Variants in NAV2 observed in about 807,000 individuals in gnomAD.
NAV2 encodes neuron navigator 2, also known as helicase, APC down-regulated 1.
Under a neutral mutation model 223.2 loss-of-function variants are expected in NAV2, and 54 were observed. The ratio of observed to expected loss-of-function variants is 0.24; its 90% confidence interval spans 0.19 to 0.30. NAV2 has a LOEUF of 0.30. Among genes scored for constraint, NAV2 ranks in the 10% least tolerant of loss-of-function variants. The pLI, the probability that NAV2 is intolerant of heterozygous loss-of-function variation, is 1.00. For synonymous variants in NAV2, 1,279 were observed against 1,239.3 expected, an observed-to-expected ratio of 1.03 and a Z score of -0.67; for missense variants, 2,806 against 3,147.5, an observed-to-expected ratio of 0.89 and a Z score of 2.60.
intron 11 of NAV2, among the ~76,000 whole-genome samples, chr11:20,015,628 A>G (rs1041855767): frequency 5.3e-5 from 8 of 152,124 alleles, no homozygotes; most frequent in African/African-American, 1.9e-4. Flanking sequence ...CATACACCCA[A>G]TTATAAGCTC....
intron 2 of NAV2, among the ~76,000 whole-genome samples, chr11:19,838,230 G>T (rs559192561): frequency 6.6e-6 from 1 of 152,328 alleles, no homozygotes; most frequent in African/African-American, 2.4e-5. Context: ...CCGCTTTCTA[G>T]GCCCAGGAGG....
chr11:19,613,912 C>T (rs1222687592), intron 1 of NAV2, among the ~76,000 whole-genome samples: 2 of 152,178 alleles, frequency 1.3e-5, no homozygotes, highest in African/African-American at 4.8e-5. Flanking sequence ...CCTAAATTGC[C>T]TCATCTACCT....
At chr11:19,746,197 T>C (rs561053361) in intron 1 of NAV2, among the ~76,000 whole-genome samples, 8 of 152,318 alleles carry the variant, frequency 5.3e-5, no homozygotes, top group South Asian at 2.1e-4. Flanking sequence ...GATCTCATGA[T>C]ATATCTTTGT....
At chr11:19,621,054 G>T (rs965134266) in intron 1 of NAV2, among the ~76,000 whole-genome samples, 3 of 152,122 alleles carry the variant, frequency 2.0e-5, no homozygotes, top group African/African-American at 7.2e-5. Flanking sequence ...TTTATATGAC[G>T]GATTAGGTTT....
At chr11:19,577,628 T>C (rs541481975) in intron 1 of NAV2, among the ~76,000 whole-genome samples, 1 of 152,382 alleles carries the variant, frequency 6.6e-6, no homozygotes, top group Admixed American at 6.5e-5. Flanking sequence ...TTTTTAGCCC[T>C]TTTATCACAG....
At chr11:20,062,530 T>C (rs2058771138) in intron 20 of NAV2, among the ~76,000 whole-genome samples, 171 bp downstream of exon 20, 1 of 152,240 alleles carries the variant, frequency 6.6e-6, no homozygotes, top group Admixed American at 6.5e-5. Context: ...TTAATTATAT[T>C]ATACCAACCC....
chr11:20,115,429 G>A (rs958770259), intron 37 of NAV2, among the ~76,000 whole-genome samples: 4 of 151,870 alleles, frequency 2.6e-5, no homozygotes, highest in South Asian at 2.1e-4. Context: ...TCAGGAGATC[G>A]AGACCATCCT....
chr11:20,093,233 C>T lies in NAV2; in HGVS notation c.5916+34C>T, dbSNP rs1309529139. The stretch of plus-strand genomic sequence containing the variant: ...GATCCCTTTCCCTGCTTTGCCTGTC[C>T]CTCCCCCAGGTAGAACTACCTAGCT... On this transcript the variant is annotated intron_variant, in intron 29 of 37. Transcript: ENST00000349880. The T allele has an allele frequency of 3.5e-6, 5 of 1,431,616 alleles. No homozygotes were observed. The Admixed American group carries it at 5.0e-5, about 14-fold the overall frequency. The allele number at this position is 1,431,616 out of a possible 1,614,324, so 88.7% of individuals were successfully genotyped here.
chr11:19,510,320 A>G (rs1243467712), intron 1 of NAV2, among the ~76,000 whole-genome samples: 1 of 152,208 alleles, frequency 6.6e-6, no homozygotes, highest in Admixed American at 6.5e-5. Context: ...ACATGAGGAA[A>G]CTGGGGTCCA....
intron 1 of NAV2, among the ~76,000 whole-genome samples, chr11:19,618,400 A>G (rs144471572): frequency 0.32 from 21,027 of 66,312 alleles, 1,938 homozygotes; most frequent in Non-Finnish European, 0.41. Context: ...ATGGATGAAT[A>G]GATGGATGGA....
chr11:20,059,962 A>C (rs975641190), intron 19 of NAV2, among the ~76,000 whole-genome samples: 6 of 152,190 alleles, frequency 3.9e-5, no homozygotes, highest in Admixed American at 3.9e-4. Context: ...AAACACATTC[A>C]GTTTTGGGTT....
At chr11:19,706,936 G>A (rs1171896606) in intron 1 of NAV2, among the ~76,000 whole-genome samples, 1 of 152,198 alleles carries the variant, frequency 6.6e-6, no homozygotes, top group East Asian at 1.9e-4. Flanking sequence ...CTACAAGCCT[G>A]TATAGCATGT....
chr11:19,504,208 C>T (rs1170640193), intron 1 of NAV2: 1 of 152,224 alleles, frequency 6.6e-6, no homozygotes, highest in Admixed American at 6.5e-5. Context: ...TCATTCATTG[C>T]TGGTGGAAAT....
intron 6 of NAV2, among the ~76,000 whole-genome samples, chr11:19,908,264 C>A (rs763411533): frequency 6.6e-6 from 1 of 152,072 alleles, no homozygotes; most frequent in Admixed American, 6.5e-5. Context: ...AAACAGAGAG[C>A]TTTTGAGGTC....
chr11:20,106,193 A>ATGTG lies in NAV2; in HGVS notation c.6841+467_6841+468insGTGT, dbSNP rs1565089429. ...TATATATATGTGTGTGTATATATAT[A>ATGTG]TATATATATATATATATATATATAT... On this transcript the variant is annotated intron_variant, in intron 35 of 37. Transcript: ENST00000349880. Among the ~76,000 whole-genome samples, 36 of 23,080 alleles carry ATGTG rather than the reference A, an allele frequency of 1.6e-3. 4 individuals are homozygous for ATGTG. Among genetic ancestry groups the ATGTG allele is most frequent in the South Asian group, 3.2e-3 (1 of 310 alleles). 15.1% of individuals were successfully genotyped at this position (23,080 alleles called of 152,430 possible).
chr11:19,768,190 A>G (rs2055389122), intron 1 of NAV2, among the ~76,000 whole-genome samples: 1 of 152,206 alleles, frequency 6.6e-6, no homozygotes, highest in South Asian at 2.1e-4. Context: ...TTTCCTTGAG[A>G]AAGCAGAGGC....
At chr11:19,551,507 C>T (rs1425537519) in intron 1 of NAV2, among the ~76,000 whole-genome samples, 2 of 152,214 alleles carry the variant, frequency 1.3e-5, no homozygotes, top group Non-Finnish European at 2.9e-5. Flanking sequence ...TCCACTTGCA[C>T]CCCTCCCTCC....
At chr11:19,527,349 T>G (rs750114112) in intron 1 of NAV2, among the ~76,000 whole-genome samples, 20 of 152,224 alleles carry the variant, frequency 1.3e-4, no homozygotes, top group Non-Finnish European at 2.4e-4. Flanking sequence ...TGTGGAAATG[T>G]GAGTCCATTA....
At chr11:19,548,141 A>G (rs1188514094) in intron 1 of NAV2, among the ~76,000 whole-genome samples, 2 of 152,228 alleles carry the variant, frequency 1.3e-5, no homozygotes, top group African/African-American at 4.8e-5. Context: ...CTCCTGCATG[A>G]CAATTTCATG....
Sources: gnomAD v4.1 joint callset for allele counts (sites outside exome capture counted in the v4.1 genomes callset) on GRCh38, gnomAD v4.1.1 for gene constraint, MANE v1.5 for transcripts, NCBI Gene and HGNC (gene_info 2026-07-23, HGNC 2026-07-21) for gene names.